Variants in SEL1L observed in about 807,000 individuals in gnomAD.
SEL1L encodes the protein SEL1L adaptor subunit of SYVN1 ubiquitin ligase, also known as protein sel-1 homolog 1.
In SEL1L, 52 loss-of-function variants were observed where a neutral mutation model predicts 109.8. The ratio of observed to expected loss-of-function variants is 0.47; its 90% CI spans 0.38 to 0.60. The LOEUF is 0.60. SEL1L is among the 20% of genes least tolerant of loss of function. The pLI is 0.00. For synonymous variants in SEL1L, 373 were observed against 339.6 expected (o/e 1.10, Z -1.08); for missense variants, 749 against 962.2 (o/e 0.78, Z 2.93).
chr14:81,503,062 G>A (rs544261249), intron 5 of SEL1L, among the ~76,000 whole-genome samples, 179 bp from the exon 6 acceptor site: 4 of 152,022 alleles, frequency 2.6e-5, no homozygotes, highest in Admixed American at 6.5e-5. Flanking sequence ...GCATAATCTC[G>A]GTTCATTGCA....
chr14:81,526,957 A>C lies in SEL1L; in HGVS notation c.116T>G (p.Leu39Trp), dbSNP rs779741344. ...GTCCTTTACTGACTCATCTGATGTC[A>C]AAGTAGTCTGAGAATATAAAGTATT... is the stretch of plus-strand genomic sequence containing the variant. ...QDESLDSKTT[L>W]TSDESVKDHT... Residue 39 changes from leucine (L) to tryptophan (W), a missense_variant, in exon 3 of 21, where the codon TTG becomes TGG. By Grantham distance (61) the Leu-to-Trp change is moderately conservative. This residue lies in a region of SEL1L where 366 missense variants were observed against 399.8 expected (regional missense o/e 0.92). Coordinates refer to ENST00000336735, the MANE Select transcript of SEL1L (RefSeq NM_005065.6). 3 of 1,608,438 alleles carry C rather than the reference A, an allele frequency of 1.9e-6. No individual in the cohort carries two copies. The highest frequency in any genetic ancestry group is 1.7e-4 in the Middle Eastern group (1 of 6,042).
At chr14:81,479,392 AG>A (rs1903271496) in intron 20 of SEL1L, 2 of 342,342 alleles carry the variant, frequency 5.8e-6, no homozygotes, top group South Asian at 2.1e-4. Context: ...CTTTAGCGTC[AG>A]GAAGTGTCAA....
intron 9 of SEL1L, 148 bp from the exon 10 acceptor site, chr14:81,498,194 G>A: frequency 1.1e-6 from 1 of 902,816 alleles, no homozygotes; most frequent in South Asian, 1.9e-5. Context: ...TCGCAAATCA[G>A]TAATCTATTA....
intron 3 of SEL1L, among the ~76,000 whole-genome samples, chr14:81,516,211 A>AC (rs1336956994): frequency 6.6e-6 from 1 of 152,166 alleles, no homozygotes; most frequent in Non-Finnish European, 1.5e-5. Flanking sequence ...CATCACCCTC[A>AC]CCGAGCCCCG....
chr14:81,522,458 A>G (rs886076748), intron 3 of SEL1L, among the ~76,000 whole-genome samples: 23 of 152,362 alleles, frequency 1.5e-4, no homozygotes, highest in African/African-American at 5.5e-4. Flanking sequence ...TTAGATATAC[A>G]CATAATTACC....
intron 3 of SEL1L, among the ~76,000 whole-genome samples, chr14:81,511,521 C>T (rs866132406): frequency 6.6e-6 from 1 of 152,154 alleles, no homozygotes; most frequent in African/African-American, 2.4e-5. Context: ...AGGATGGTCT[C>T]CTAAAGGAGT....
At chr14:81,522,986 T>C (rs1884981839) in intron 3 of SEL1L, among the ~76,000 whole-genome samples, 2 of 152,216 alleles carry the variant, frequency 1.3e-5, no homozygotes, top group South Asian at 4.1e-4. Flanking sequence ...AGGGCTGACA[T>C]GTATGTAAGA....
intron 4 of SEL1L, 110 bp downstream of exon 4, chr14:81,505,964 T>C: frequency 9.4e-7 from 1 of 1,062,876 alleles, no homozygotes; most frequent in South Asian, 1.6e-5. Flanking sequence ...ACATCAGCAA[T>C]GCTGGCCATT....
At chr14:81,492,340 C>T (rs1883573412) in intron 12 of SEL1L, 140 bp downstream of exon 12, 1 of 692,132 alleles carries the variant, frequency 1.4e-6, no homozygotes, top group African/African-American at 1.8e-5. Flanking sequence ...CTCAGAACAG[C>T]ACTTTAAGAT....
chr14:81,499,793 G>A (rs1469995248), intron 6 of SEL1L, 131 bp from the exon 7 acceptor site: 3 of 577,116 alleles, frequency 5.2e-6, no homozygotes, highest in Non-Finnish European at 8.6e-6. Context: ...TTGAATTCAA[G>A]TATGTACAAA....
intron 8 of SEL1L, chr14:81,499,223 AGGGG>A (rs1883901722): frequency 8.3e-7 from 1 of 1,211,050 alleles, no homozygotes; most frequent in East Asian, 3.4e-5. Flanking sequence ...CTCTCTTTTT[AGGGG>A]CAATCAGCCA....
chr14:81,499,365 A>T, intron 8 of SEL1L, 94 bp downstream of exon 8: 1 of 1,543,332 alleles, frequency 6.5e-7, no homozygotes, highest in South Asian at 1.3e-5. Context: ...ATACAAGCAA[A>T]TCTGGATCAT....
Position 81,533,705 on chromosome 14 carries a change from C to T in SEL1L, c.40G>A (p.Val14Met). 6.2e-7 allele frequency: 1 copy of T among 1,613,580 alleles called. No individual in the cohort carries two copies. Among genetic ancestry groups the T allele is most frequent in the African/African-American group, 1.3e-5 (1 of 75,050 alleles). ...GACGCCGAGGCCAAGCTCAGCAGCA[C>T]CGCACACAGCAGCAGCGTCAGCCCT... Reference protein sequence around the residue: ...RIGLTLLLCAVLLSLASASSD... With the variant: ...RIGLTLLLCAMLLSLASASSD... Residue 14 changes from valine to methionine, a missense_variant, in exon 1 of 21, where the codon GTG becomes ATG. By Grantham distance (21) the Val-to-Met change is conservative. This residue lies in a region of SEL1L where 366 missense variants were observed against 399.8 expected (regional missense o/e 0.92). Coordinates refer to ENST00000336735, the MANE Select transcript of SEL1L (RefSeq NM_005065.6).
chr14:81,511,716 T>G (rs1047874911), intron 3 of SEL1L, among the ~76,000 whole-genome samples: 1 of 152,250 alleles, frequency 6.6e-6, no homozygotes, highest in African/African-American at 2.4e-5. Context: ...AACAATGAAG[T>G]AGAAATGCCA....
intron 1 of SEL1L, among the ~76,000 whole-genome samples, chr14:81,533,353 C>A (rs984472149): frequency 3.9e-5 from 6 of 152,184 alleles, no homozygotes; most frequent in Admixed American, 6.5e-5. Flanking sequence ...ACCCCAGGGT[C>A]GAGGAAGCTC....
At position 81,473,806 on chromosome 14, in the gene SEL1L, A is replaced by G. The variant is rs550477869; in HGVS notation, c.*3166T>C. The G allele has an allele frequency of 6.6e-6, 1 of 152,296 alleles. No individual in the cohort carries two copies. The highest frequency in any genetic ancestry group is 2.4e-5 in the African/African-American group (1 of 41,576). The allele number at this position is 152,296 out of a possible 1,614,324, so 9.4% of individuals were successfully genotyped here. A position where few individuals can be genotyped will look rare whatever the true frequency, so the allele number is the denominator to read the frequency against. On this transcript the variant is annotated 3_prime_UTR_variant, in exon 21 of 21. Transcript: ENST00000336735. ...GTTTTTCATTTATAGGCCTGCATGCATACTTCCAAAACACTGGTTTGAAGA... is the reference window on the plus strand; with the variant it reads ...GTTTTTCATTTATAGGCCTGCATGCGTACTTCCAAAACACTGGTTTGAAGA...
chr14:81,498,532 T>C (rs758250154), intron 8 of SEL1L, 38 bp from the exon 9 acceptor site: 4 of 1,420,348 alleles, frequency 2.8e-6, no homozygotes, highest in East Asian at 4.5e-5. Context: ...AGCAGTTTCA[T>C]GTACTTCAGT....
chr14:81,533,032 C>T (rs1239177852), intron 1 of SEL1L, among the ~76,000 whole-genome samples: 2 of 152,168 alleles, frequency 1.3e-5, no homozygotes, highest in South Asian at 2.1e-4. Flanking sequence ...ATATAAAACG[C>T]ATCTTATAAG....
chr14:81,502,225 A>G (rs1019722482), intron 6 of SEL1L, among the ~76,000 whole-genome samples: 6 of 152,224 alleles, frequency 3.9e-5, no homozygotes, highest in Non-Finnish European at 7.4e-5. Context: ...GATCTATTAC[A>G]GAAAGATATG....
Sources: allele counts gnomAD v4.1 joint callset (sites outside exome capture counted in the v4.1 genomes callset), GRCh38; gene constraint gnomAD v4.1.1; regional missense constraint gnomAD v4.1.1; transcripts MANE v1.5; gene names NCBI Gene and HGNC (gene_info 2026-07-23, HGNC 2026-07-21).